Variants in HGF observed in about 807,000 individuals in gnomAD.
The protein encoded by HGF is fibroblast-derived tumor cytotoxic factor.
A neutral mutation model predicts 111.6 loss-of-function variants in HGF; 39 were observed. The observed-to-expected ratio is 0.35, with a 90% CI of 0.27 to 0.46. The LOEUF is 0.46. Ranked by LOEUF, HGF falls within the 20% of genes least tolerant of loss-of-function variation. HGF has a pLI of 1.00. For synonymous variants in HGF, 285 were observed against 294.8 expected (o/e 0.97, Z 0.34); for missense variants, 735 against 910.5 (o/e 0.81, Z 2.48).
At chr7:81,742,617 G>T in intron 7 of HGF, 1 of 846,808 alleles carries the variant, frequency 1.2e-6, no homozygotes, top group Non-Finnish European at 1.5e-6. Context: ...TATTGTTTAA[G>T]AGAACAGTGA....
chr7:81,737,420 T>C (rs919889465), intron 7 of HGF, among the ~76,000 whole-genome samples: 5 of 152,088 alleles, frequency 3.3e-5, no homozygotes, highest in Admixed American at 3.3e-4. Flanking sequence ...TGTTCTGATA[T>C]ATAGCAAGAA....
intron 2 of HGF, among the ~76,000 whole-genome samples, chr7:81,761,334 A>G (rs1034691347): frequency 2.6e-5 from 4 of 152,194 alleles, no homozygotes; most frequent in Admixed American, 6.5e-5. Context: ...TCACTCTAGA[A>G]ATGGAAAGCA....
At chr7:81,724,077 A>G (rs570110575) in intron 9 of HGF, among the ~76,000 whole-genome samples, 1 of 152,282 alleles carries the variant, frequency 6.6e-6, no homozygotes, top group East Asian at 1.9e-4. Context: ...ATATGTATAT[A>G]AAATATCTTA....
intron 12 of HGF, 28 bp downstream of exon 12, chr7:81,711,453 A>G: frequency 7.5e-7 from 1 of 1,336,486 alleles, no homozygotes; most frequent in South Asian, 1.3e-5. Flanking sequence ...GACTCAGAAT[A>G]TACTTTATAT....
At chr7:81,729,515 T>A in intron 8 of HGF, 90 bp downstream of exon 8, 2 of 954,536 alleles carry the variant, frequency 2.1e-6, no homozygotes, top group Non-Finnish European at 3.4e-6. Flanking sequence ...TGAAGTTTGA[T>A]CACTAACACA....
chr7:81,745,257 G>A (rs1788190831), intron 5 of HGF, 137 bp from the exon 6 acceptor site: 2 of 823,798 alleles, frequency 2.4e-6, no homozygotes, highest in Non-Finnish European at 4.0e-6. Flanking sequence ...CTTTTTATTA[G>A]GGCCTAATGT....
At chr7:81,741,406 C>T (rs977647048) in intron 7 of HGF, among the ~76,000 whole-genome samples, 2 of 152,054 alleles carry the variant, frequency 1.3e-5, no homozygotes, top group African/African-American at 2.4e-5. Flanking sequence ...AAAAAAGAAA[C>T]CTACTTAATA....
At chr7:81,751,810 A>G in intron 5 of HGF, 1 of 1,185,054 alleles carries the variant, frequency 8.4e-7, no homozygotes, top group Non-Finnish European at 1.1e-6. Flanking sequence ...GCCACACAGT[A>G]GTAGATTTTG....
intron 7 of HGF, among the ~76,000 whole-genome samples, chr7:81,735,011 G>A (rs544495838): frequency 6.6e-6 from 1 of 152,184 alleles, no homozygotes; most frequent in South Asian, 2.1e-4. Flanking sequence ...AAGAGCAACT[G>A]AAATAGAATT....
chr7:81,746,214 T>C (rs957186627), intron 5 of HGF, among the ~76,000 whole-genome samples: 2 of 152,230 alleles, frequency 1.3e-5, no homozygotes, highest in African/African-American at 4.8e-5. Flanking sequence ...TTCTGAAACA[T>C]GCAACAACTT....
chr7:81,748,657 C>A (rs1221160632), intron 5 of HGF, among the ~76,000 whole-genome samples: 1 of 123,832 alleles, frequency 8.1e-6, no homozygotes, highest in Non-Finnish European at 1.7e-5. Flanking sequence ...CCAGCAAGTT[C>A]TCCTCTAAAA....
At position 81,729,728 on chromosome 7, in the gene HGF, A is replaced by G; in HGVS notation, c.917T>C (p.Ile306Thr). Reference sequence around the variant, plus strand: ...CCTGTAGCCTTCTCCTTGACCTTGGATGCATTCAGTTGTTTCCAAAGGAAC... The same window carrying G: ...CCTGTAGCCTTCTCCTTGACCTTGGGTGCATTCAGTTGTTTCCAAAGGAAC... ...TDVPLETTEC[I>T]QGQGEGYRGT... The change falls in exon 8 of 18, where the codon ATC becomes ACC. Residue 306 changes from isoleucine to threonine, a missense_variant. Coordinates refer to ENST00000222390, the MANE Select transcript of HGF (RefSeq NM_000601.6). 5 of 1,613,926 alleles carry G rather than the reference A, an allele frequency of 3.1e-6. No individual in the cohort carries two copies. The highest frequency in any genetic ancestry group is 4.2e-6 in the Non-Finnish European group (5 of 1,179,924).
intron 8 of HGF, among the ~76,000 whole-genome samples, chr7:81,727,580 T>TA (rs1156600932): frequency 5.0e-4 from 31 of 61,746 alleles, no homozygotes; most frequent in East Asian, 7.2e-4. Flanking sequence ...ACTTACATTT[T>TA]TAAAAAAAAT....
intron 5 of HGF, among the ~76,000 whole-genome samples, chr7:81,750,636 T>G (rs761973169): frequency 3.2e-4 from 48 of 152,184 alleles, no homozygotes; most frequent in Non-Finnish European, 4.6e-4. Context: ...GTTTTCCTTA[T>G]AAACCCGTAG....
intron 9 of HGF, among the ~76,000 whole-genome samples, chr7:81,723,397 C>CAA (rs1278641332): frequency 6.6e-6 from 1 of 151,986 alleles, no homozygotes; most frequent in Non-Finnish European, 1.5e-5. Flanking sequence ...ATGGATATAT[C>CAA]AAATGTATAC....
chr7:81,768,503 C>A (rs998554138), intron 1 of HGF, among the ~76,000 whole-genome samples: 12 of 152,004 alleles, frequency 7.9e-5, no homozygotes, highest in African/African-American at 2.9e-4. Context: ...CCTCAGCCTC[C>A]CAAGTAGGTG....
intron 7 of HGF, among the ~76,000 whole-genome samples, chr7:81,731,014 A>AAT (rs1787636383): frequency 6.6e-6 from 1 of 152,202 alleles, no homozygotes; most frequent in Non-Finnish European, 1.5e-5. Context: ...TAATAGTGTA[A>AAT]ATATTTTTAA....
chr7:81,747,051 A>G (rs530428560), intron 5 of HGF, among the ~76,000 whole-genome samples: 6 of 152,132 alleles, frequency 3.9e-5, no homozygotes, highest in African/African-American at 4.8e-5. Context: ...CTATTATAAA[A>G]GTTCTGGCCA....
intron 7 of HGF, among the ~76,000 whole-genome samples, chr7:81,741,583 C>CTG (rs78641495): frequency 0.072 from 10,183 of 140,554 alleles, 385 homozygotes; most frequent in East Asian, 0.19. Context: ...GTGTGTGTGT[C>CTG]TGTGTGTGTG....
Sources: gnomAD v4.1 joint callset for allele counts (sites outside exome capture counted in the v4.1 genomes callset) on GRCh38, gnomAD v4.1.1 for gene constraint, MANE v1.5 for transcripts, NCBI Gene and HGNC (gene_info 2026-07-23, HGNC 2026-07-21) for gene names.